Variants in DGKD observed in about 807,000 individuals in gnomAD.
DGKD encodes the protein diacylglycerol kinase delta.
In DGKD, 68 loss-of-function variants were observed where a neutral mutation model predicts 154.4. The observed-to-expected ratio is 0.44, with a 90% CI of 0.36 to 0.54. DGKD has a LOEUF of 0.54. DGKD is among the 20% of genes least tolerant of loss of function. The probability of loss-of-function intolerance (pLI) is 0.00; values close to 1 mark genes in which losing one functional copy is unlikely to be tolerated. For missense variants in DGKD, 1,343 were observed against 1,593.6 expected, an observed-to-expected ratio of 0.84 and a Z score of 2.68; for synonymous variants, 693 against 638.0, an observed-to-expected ratio of 1.09 and a Z score of -1.30.
intron 27 of DGKD, 45 bp from the exon 28 acceptor site, chr2:233,467,041 A>C: frequency 6.7e-7 from 1 of 1,483,436 alleles, no homozygotes; most frequent in South Asian, 1.1e-5. Context: ...TGAGGCCGTG[A>C]TCAGTTGCAG....
At chr2:233,451,635 A>T (rs1197168564) in intron 17 of DGKD, among the ~76,000 whole-genome samples, 1 of 149,910 alleles carries the variant, frequency 6.7e-6, no homozygotes, top group Non-Finnish European at 1.5e-5. Flanking sequence ...TGATGTGGTC[A>T]TGGCACACTG....
At chr2:233,397,462 CACCAGAGGGGAGCAGGG>C (rs2125468655) in intron 3 of DGKD, among the ~76,000 whole-genome samples, 1 of 128,192 alleles carries the variant, frequency 7.8e-6, no homozygotes, top group South Asian at 2.6e-4. Context: ...AGTGAGAGGA[CACCAGAGGGGAGCAGGG>C]TGGCTGGCGG....
In DGKD at chr2:233,451,001, G is replaced by A. The variant is rs529061946; in HGVS notation, c.2118G>A (p.Pro706=). The change falls in exon 17 of 30, where the codon CCG becomes CCA. Residue 706 remains proline (P), a synonymous_variant. Transcript: ENST00000264057. ...GTTCTGCTTCCCTTCCGCCCCAGCC[G>A]GGAAGCCGGGACGGCCTGCCTGCGC... ...LGSSASLPPQ[P]GSRDGLPALN... 31 of 1,612,256 alleles carry A rather than the reference G, an allele frequency of 1.9e-5. No homozygotes were observed. In the Middle Eastern group the frequency reaches 5.0e-4, roughly 26 times the overall value.
intron 28 of DGKD, among the ~76,000 whole-genome samples, chr2:233,467,970 A>C (rs1254420100): frequency 6.6e-6 from 1 of 152,158 alleles, no homozygotes; most frequent in Non-Finnish European, 1.5e-5. Context: ...GCTGGAGGAA[A>C]AGCTGGCTTT....
intron 1 of DGKD, among the ~76,000 whole-genome samples, chr2:233,356,162 A>G (rs1418550550): frequency 6.6e-6 from 1 of 152,250 alleles, no homozygotes; most frequent in Non-Finnish European, 1.5e-5. Context: ...AGAATTCACC[A>G]GGCTAAGTGG....
In DGKD at chr2:233,470,634, T is replaced by A. The variant is rs1209666271; in HGVS notation, c.*1174T>A. 6.6e-6 allele frequency: 1 copy of A among 152,514 alleles called. No individual in the cohort carries two copies. Among genetic ancestry groups the A allele is most frequent in the Non-Finnish European group, 1.5e-5 (1 of 68,146 alleles). The allele number at this position is 152,514 out of a possible 1,614,324, so 9.4% of individuals were successfully genotyped here. A position where few individuals can be genotyped will look rare whatever the true frequency, so the allele number is the denominator to read the frequency against. ...AGAGGGCTGTGCCCCGTAGGGACAGTGCCCAGGTGAAGGATGCCCCTGGTC... is the reference window on the plus strand; with the variant it reads ...AGAGGGCTGTGCCCCGTAGGGACAGAGCCCAGGTGAAGGATGCCCCTGGTC... On this transcript the variant is annotated 3_prime_UTR_variant, in exon 30 of 30. Transcript: ENST00000264057.
Position 233,436,296 on chromosome 2 carries a change from G to A in DGKD, c.694-20G>A, listed in dbSNP as rs375523301. On this transcript the variant is annotated intron_variant, in intron 6 of 29. Transcript: ENST00000264057. ...GGAACCTTGGGAGCGTCCCTAGTGC[G>A]TGCCTCTGTTTGGTTGCAGATTGCA... 4.6e-5 allele frequency: 74 copies of A among 1,613,908 alleles called. 1 individual carries two copies. In the East Asian group the frequency reaches 1.2e-3, roughly 26 times the overall value.
chr2:233,467,111 G>C lies in DGKD; in HGVS notation c.3332G>C (p.Arg1111Pro), dbSNP rs559299318. The C allele has an allele frequency of 9.3e-6, 15 of 1,614,092 alleles. No homozygotes were observed. The highest frequency in any genetic ancestry group is 1.3e-5 in the Non-Finnish European group (15 of 1,179,924). ...EESVMLDLAK[R>P]SRSGKFRLVT... is the part of the protein sequence containing the mutation. ...AGTGTGATGCTGGATCTTGCCAAGC[G>C]CAGTCGCAGTGGTAAATTCCGCCTC... Residue 1111 changes from arginine (R) to proline (P), a missense_variant, in exon 28 of 30, where the codon CGC (arginine) becomes CCC (proline). Coordinates refer to ENST00000264057, the MANE Select transcript of DGKD (RefSeq NM_152879.3).
chr2:233,434,512 A>T, intron 4 of DGKD, 28 bp downstream of exon 4: 1 of 1,601,968 alleles, frequency 6.2e-7, no homozygotes, highest in Non-Finnish European at 8.6e-7. Flanking sequence ...CCTTCTCCAA[A>T]TGCCTCCTGT....
chr2:233,472,010 C>T lies in DGKD; in HGVS notation c.*2550C>T, dbSNP rs1289611269. 6.6e-6 allele frequency: 1 copy of T among 152,356 alleles called. No individual in the cohort carries two copies. Among genetic ancestry groups the T allele is most frequent in the African/African-American group, 2.4e-5 (1 of 41,442 alleles). 9.4% of individuals were successfully genotyped at this position (152,356 alleles called of 1,614,324 possible). A position where few individuals can be genotyped will look rare whatever the true frequency, so the allele number is the denominator to read the frequency against. The stretch of plus-strand genomic sequence containing the variant: ...GTGACCACCGTGGAAACAAACGCCT[C>T]TTGTATTGTCATGTACATAGTCCAT... On this transcript the variant is annotated 3_prime_UTR_variant, in exon 30 of 30. Coordinates refer to ENST00000264057, the MANE Select transcript of DGKD (RefSeq NM_152879.3).
At chr2:233,417,379 G>A (rs1400973183) in intron 3 of DGKD, among the ~76,000 whole-genome samples, 1 of 152,156 alleles carries the variant, frequency 6.6e-6, no homozygotes, top group Non-Finnish European at 1.5e-5. Flanking sequence ...TTACTGTAGT[G>A]TTTATGTGGT....
At chr2:233,431,439 T>C (rs1490994703) in intron 3 of DGKD, among the ~76,000 whole-genome samples, 1 of 152,172 alleles carries the variant, frequency 6.6e-6, no homozygotes, top group Non-Finnish European at 1.5e-5. Context: ...CCTATTAAAA[T>C]ACCAATGACA....
chr2:233,457,016 C>A lies in DGKD; in HGVS notation c.2472+21C>A. ...TGGAGGTGAGTGGGAGGGTCCTTGT[C>A]ACCTGCAGGCTGGCCTCCATCCATC... is the stretch of plus-strand genomic sequence containing the variant. On this transcript the variant is annotated intron_variant, in intron 20 of 29. Transcript: ENST00000264057. This position sits in a 1 kb window ranked among gnomAD's most constrained non-coding sequence, Gnocchi z 5.5. 5.7e-6 allele frequency: 9 copies of A among 1,589,142 alleles called. No individual in the cohort carries two copies. Among genetic ancestry groups the A allele is most frequent in the Non-Finnish European group, 7.8e-6 (9 of 1,157,554 alleles).
chr2:233,373,013 T>C (rs1325915510), intron 1 of DGKD, among the ~76,000 whole-genome samples: 1 of 152,196 alleles, frequency 6.6e-6, no homozygotes, highest in African/African-American at 2.4e-5. Context: ...AGTGAGTTAA[T>C]GATAATAGCT....
chr2:233,461,332 G>A (rs565613135), intron 24 of DGKD, among the ~76,000 whole-genome samples: 2 of 152,352 alleles, frequency 1.3e-5, no homozygotes, highest in African/African-American at 2.4e-5. Flanking sequence ...TTTTGTGCCC[G>A]GCATGCCGTG....
intron 2 of DGKD, among the ~76,000 whole-genome samples, chr2:233,389,495 C>G (rs1703431799): frequency 6.6e-6 from 1 of 151,310 alleles, no homozygotes; most frequent in Admixed American, 6.6e-5. Flanking sequence ...GAGACATATC[C>G]CTAGAAAGTT....
intron 26 of DGKD, 66 bp from the exon 27 acceptor site, chr2:233,464,098 C>CCT: frequency 6.2e-7 from 1 of 1,602,596 alleles, no homozygotes; most frequent in Non-Finnish European, 8.5e-7. Flanking sequence ...CCTCACCCCC[C>CCT]TGGGCCTCGC....
At chr2:233,423,444 G>T (rs934391990) in intron 3 of DGKD, among the ~76,000 whole-genome samples, 1 of 152,160 alleles carries the variant, frequency 6.6e-6, no homozygotes, top group Non-Finnish European at 1.5e-5. Flanking sequence ...TGTAGCCATC[G>T]TGATAGGTGC....
rs539174512 is a variant in DGKD, at chr2:233,366,785, G to C, written c.156+12111G>C. 2.4e-3 allele frequency among the ~76,000 whole-genome samples: 360 copies of C among 152,188 alleles called. 2 individuals carry two copies. The highest frequency in any genetic ancestry group is 7.7e-3 in the African/African-American group (318 of 41,512). On this transcript the variant is annotated intron_variant, in intron 1 of 29. Coordinates refer to ENST00000264057, the MANE Select transcript of DGKD (RefSeq NM_152879.3). The stretch of plus-strand genomic sequence containing the variant: ...GTGTGACGGGGTCAGGGCCCGATTG[G>C]ATGCTGGGGCCGTTGGCTTTTAGGA...
Sources: gnomAD v4.1 joint callset for allele counts (sites outside exome capture counted in the v4.1 genomes callset) on GRCh38, gnomAD v4.1.1 for gene constraint, Gnocchi (gnomAD v3.1) non-coding constraint, MANE v1.5 for transcripts, NCBI Gene and HGNC (gene_info 2026-07-23, HGNC 2026-07-21) for gene names.